RASAL2: variants seen among roughly 807,000 people sequenced by gnomAD.
RASAL2 encodes the protein RAS protein activator like 2.
Under a neutral mutation model 128.9 loss-of-function variants are expected in RASAL2, and 58 were observed. The observed-to-expected ratio is 0.45, with a 90% CI of 0.36 to 0.56. RASAL2 has a LOEUF of 0.56. Among genes scored for constraint, RASAL2 ranks in the 20% least tolerant of loss-of-function variants. The probability of loss-of-function intolerance (pLI) is 0.00; values close to 1 mark genes in which losing one functional copy is unlikely to be tolerated. For synonymous variants in RASAL2, 561 were observed against 580.8 expected, an observed-to-expected ratio of 0.97 and a Z score of 0.49; for missense variants, 1,360 against 1,601.6, an observed-to-expected ratio of 0.85 and a Z score of 2.57.
At chr1:178,283,814 G>A (rs765694364) in intron 2 of RASAL2, 123 bp downstream of exon 2, 6 of 1,223,210 alleles carry the variant, frequency 4.9e-6, no homozygotes, top group East Asian at 2.5e-5. Flanking sequence ...GAAGATATAG[G>A]TAAGTCTAAA....
intron 1 of RASAL2, among the ~76,000 whole-genome samples, chr1:178,243,308 G>A (rs1571691083): frequency 1.3e-5 from 2 of 152,264 alleles, no homozygotes; most frequent in South Asian, 2.1e-4. Flanking sequence ...CCCAGGATAG[G>A]CCATCTGGTG....
chr1:178,241,454 T>C (rs908321229), intron 1 of RASAL2, among the ~76,000 whole-genome samples: 3 of 152,180 alleles, frequency 2.0e-5, no homozygotes, highest in Non-Finnish European at 4.4e-5. Context: ...GGGGTACATA[T>C]TAAATTTCCA....
chr1:178,337,164 A>AT (rs1163338257), intron 3 of RASAL2, among the ~76,000 whole-genome samples: 1 of 152,182 alleles, frequency 6.6e-6, no homozygotes, highest in Non-Finnish European at 1.5e-5. Context: ...TTCTAAAAAT[A>AT]TTTTGTGACT....
intron 5 of RASAL2, among the ~76,000 whole-genome samples, chr1:178,427,798 G>A (rs1173789631): frequency 1.3e-5 from 2 of 152,072 alleles, no homozygotes; most frequent in Non-Finnish European, 2.9e-5. Context: ...GTGCATGTGT[G>A]TGTGTGTAGT....
chr1:178,397,759 C>T (rs576006878), intron 4 of RASAL2, among the ~76,000 whole-genome samples: 4 of 150,644 alleles, frequency 2.7e-5, no homozygotes, highest in Non-Finnish European at 5.9e-5. Context: ...GCGCATGGCA[C>T]TGTACCTGGC....
intron 1 of RASAL2, among the ~76,000 whole-genome samples, chr1:178,096,174 A>G (rs1186463652): frequency 6.6e-6 from 1 of 152,232 alleles, no homozygotes; most frequent in East Asian, 1.9e-4. Context: ...CTGAAAGTGC[A>G]TATGAATTAG....
intron 3 of RASAL2, among the ~76,000 whole-genome samples, chr1:178,369,247 T>A (rs983787074): frequency 2.0e-5 from 3 of 151,692 alleles, no homozygotes; most frequent in African/African-American, 4.8e-5. Context: ...AGGGTGCAGA[T>A]ATGGGGTCTC....
intron 1 of RASAL2, among the ~76,000 whole-genome samples, chr1:178,246,628 C>T (rs1664777297): frequency 6.6e-6 from 1 of 152,120 alleles, no homozygotes; most frequent in Non-Finnish European, 1.5e-5. Context: ...TGAGAGAGGG[C>T]ATCCTTGTCT....
rs988552725 is a variant in RASAL2 at position 178,478,375 on chromosome 1, T to G, written c.*5136T>G. Reference sequence around the variant, plus strand: ...GACTCAATGACCACCTTCAGGAAAGTTAAATAGTAAATTAGGTTAAATTTT... The same window carrying G: ...GACTCAATGACCACCTTCAGGAAAGGTAAATAGTAAATTAGGTTAAATTTT... On this transcript the variant is annotated 3_prime_UTR_variant, in exon 18 of 18. Coordinates refer to ENST00000367649, the MANE Select transcript of RASAL2 (RefSeq NM_170692.4). The G allele has an allele frequency of 6.6e-6, 1 of 152,214 alleles. No homozygotes were observed. The highest frequency in any genetic ancestry group is 1.5e-5 in the Non-Finnish European group (1 of 68,028). The allele number at this position is 152,214 out of a possible 1,614,324, so 9.4% of individuals were successfully genotyped here.
At chr1:178,184,814 A>G (rs1202580055) in intron 1 of RASAL2, among the ~76,000 whole-genome samples, 2 of 152,022 alleles carry the variant, frequency 1.3e-5, no homozygotes, top group Non-Finnish European at 2.9e-5. Context: ...TTCCTATTTC[A>G]TATAAACTTT....
chr1:178,228,870 C>T (rs1663888204), intron 1 of RASAL2, among the ~76,000 whole-genome samples: 1 of 152,084 alleles, frequency 6.6e-6, no homozygotes, highest in South Asian at 2.1e-4. Context: ...TTATACTACT[C>T]AAAAGATACT....
intron 4 of RASAL2, among the ~76,000 whole-genome samples, chr1:178,397,187 G>A (rs1183287293): frequency 6.6e-6 from 1 of 152,080 alleles, no homozygotes; most frequent in Non-Finnish European, 1.5e-5. Flanking sequence ...GTTTATAGCA[G>A]CATTATTTAT....
At chr1:178,140,900 C>T (rs539625591) in intron 1 of RASAL2, among the ~76,000 whole-genome samples, 6 of 152,322 alleles carry the variant, frequency 3.9e-5, no homozygotes, top group African/African-American at 1.4e-4. Flanking sequence ...TTAATTGGCT[C>T]ATGGTTCTGT....
At chr1:178,416,977 A>AT (rs1674800412) in intron 4 of RASAL2, among the ~76,000 whole-genome samples, 1 of 126,820 alleles carries the variant, frequency 7.9e-6, no homozygotes, top group Non-Finnish European at 1.6e-5. Context: ...TTTTTCTTTT[A>AT]GGGTTTTTTT....
In RASAL2 at chr1:178,094,537, C is replaced by T. The variant is rs753652858; in HGVS notation, c.45C>T (p.Ser15=). The T allele has an allele frequency of 7.6e-6, 12 of 1,582,244 alleles. No homozygotes were observed. Among genetic ancestry groups the T allele is most frequent in the Non-Finnish European group, 1.0e-5 (12 of 1,164,838 alleles). ...PSSGGAAEAL[S]WPEMFPALES... is the part of the protein sequence containing the mutation. The stretch of plus-strand genomic sequence containing the variant: ...CCGGAGGAGCCGCGGAGGCGCTGTC[C>T]TGGCCGGAGATGTTCCCGGCGCTGG... Residue 15 remains serine, a synonymous_variant, in exon 1 of 18, where the codon TCC becomes TCT. Coordinates refer to ENST00000367649, the MANE Select transcript of RASAL2 (RefSeq NM_170692.4).
intron 1 of RASAL2, among the ~76,000 whole-genome samples, chr1:178,281,873 A>T (rs184836072): frequency 1.3e-5 from 2 of 152,304 alleles, no homozygotes; most frequent in East Asian, 3.9e-4. Flanking sequence ...TGGCTTTTAA[A>T]TGTAGGCAAG....
In RASAL2 at chr1:178,458,986, C is replaced by T. The variant is rs149479418; in HGVS notation, c.3252+442C>T. Among the ~76,000 whole-genome samples the T allele has an allele frequency of 2.0e-3, 303 of 152,264 alleles. 3 individuals carry two copies. The highest frequency in any genetic ancestry group is 7.1e-3 in the African/African-American group (293 of 41,550). ...AGTTTAATATGACTGCTCTCCATTC[C>T]ATCCCTCAACTCCTTCTGGAAATAC... On this transcript the variant is annotated intron_variant, in intron 14 of 17. Coordinates refer to ENST00000367649, the MANE Select transcript of RASAL2 (RefSeq NM_170692.4).
chr1:178,318,215 A>G (rs928123157), intron 3 of RASAL2, among the ~76,000 whole-genome samples: 1 of 149,998 alleles, frequency 6.7e-6, no homozygotes, highest in African/African-American at 2.4e-5. Context: ...ACTTCCAACT[A>G]TGTGGTCAAT....
intron 1 of RASAL2, among the ~76,000 whole-genome samples, chr1:178,168,389 A>G (rs1661589558): frequency 6.6e-6 from 1 of 151,888 alleles, no homozygotes; most frequent in South Asian, 2.1e-4. Context: ...TATCAGAAAT[A>G]TTACTACTAT....
Sources: gnomAD v4.1 joint callset for allele counts (sites outside exome capture counted in the v4.1 genomes callset) on GRCh38, gnomAD v4.1.1 for gene constraint, MANE v1.5 for transcripts, NCBI Gene and HGNC (gene_info 2026-07-23, HGNC 2026-07-21) for gene names.